LRRC7: variants seen among roughly 807,000 people sequenced by gnomAD.
The protein encoded by LRRC7 is leucine rich repeat containing 7, also known as leucine-rich repeat-containing protein 7.
A neutral mutation model predicts 175.7 loss-of-function variants in LRRC7; 23 were observed. That is an observed-to-expected ratio of 0.13 (90% confidence interval 0.09 to 0.19). LRRC7 has a LOEUF of 0.19. Ranked by LOEUF, LRRC7 falls within the 10% of genes least tolerant of loss-of-function variation. The pLI is 1.00. For synonymous variants in LRRC7, 685 were observed against 680.9 expected, an observed-to-expected ratio of 1.01 and a Z score of -0.09; for missense variants, 1,354 against 1,904.7, an observed-to-expected ratio of 0.71 and a Z score of 5.38.
In LRRC7 at chr1:70,142,996, A is replaced by ACTC. The variant is rs1359769065; in HGVS notation, c.*21110_*21112dup. The ACTC allele has an allele frequency of 1.3e-5, 2 of 151,972 alleles. No homozygotes were observed. The highest frequency in any genetic ancestry group is 2.9e-5 in the Non-Finnish European group (2 of 67,962). 9.4% of individuals were successfully genotyped at this position (151,972 alleles called of 1,614,324 possible). On this transcript the variant is annotated 3_prime_UTR_variant, in exon 27 of 27. Coordinates refer to ENST00000651989, the MANE Select transcript of LRRC7 (RefSeq NM_001370785.2). ...TATTTTGGGGCATAATCCTTTTACT[A>ACTC]CTCTATAAAGAAGTTCTACTTCTAC...
At chr1:69,792,879 G>T (rs1294924859) in intron 4 of LRRC7, among the ~76,000 whole-genome samples, 1 of 152,010 alleles carries the variant, frequency 6.6e-6, no homozygotes, top group Non-Finnish European at 1.5e-5. Flanking sequence ...GCTTCAGAAA[G>T]TCTCTTGCAT....
intron 22 of LRRC7, among the ~76,000 whole-genome samples, chr1:70,048,474 C>T (rs2102052930): frequency 6.6e-6 from 1 of 152,082 alleles, no homozygotes; most frequent in South Asian, 2.1e-4. Flanking sequence ...TGCCTGGTGC[C>T]CACATACATA....
intron 3 of LRRC7, among the ~76,000 whole-genome samples, chr1:69,765,294 A>G (rs1376654363): frequency 6.6e-6 from 1 of 152,134 alleles, no homozygotes; most frequent in African/African-American, 2.4e-5. Flanking sequence ...ACCAAAGACT[A>G]TGTATTAGGA....
At chr1:69,951,806 A>G (rs1036458371) in intron 8 of LRRC7, among the ~76,000 whole-genome samples, 1 of 152,018 alleles carries the variant, frequency 6.6e-6, no homozygotes, top group African/African-American at 2.4e-5. Flanking sequence ...AGGGTGGGAG[A>G]AGGGAGAACA....
chr1:69,982,093 A>G (rs1653494147), intron 9 of LRRC7, among the ~76,000 whole-genome samples: 1 of 152,236 alleles, frequency 6.6e-6, no homozygotes, highest in African/African-American at 2.4e-5. Context: ...CAATTGTTAC[A>G]TTCCCAAAAT....
intron 25 of LRRC7, among the ~76,000 whole-genome samples, chr1:70,106,793 T>G (rs1278281706): frequency 6.6e-6 from 1 of 152,192 alleles, no homozygotes; most frequent in Non-Finnish European, 1.5e-5. Flanking sequence ...CTGTCCCCTC[T>G]CTCTGCAATT....
chr1:69,866,743 T>C (rs953683352), intron 7 of LRRC7, among the ~76,000 whole-genome samples: 79 of 152,192 alleles, frequency 5.2e-4, no homozygotes, highest in African/African-American at 1.9e-3. Flanking sequence ...TGAATGTCAG[T>C]TCTGCATTAG....
intron 1 of LRRC7, among the ~76,000 whole-genome samples, chr1:69,663,513 CAATT>C (rs1657791713): frequency 6.6e-6 from 1 of 151,924 alleles, no homozygotes; most frequent in South Asian, 2.1e-4. Context: ...TTTAATTGCA[CAATT>C]AAATTATTTC....
intron 4 of LRRC7, among the ~76,000 whole-genome samples, chr1:69,811,868 A>G (rs1677920900): frequency 6.6e-6 from 1 of 152,148 alleles, no homozygotes; most frequent in East Asian, 1.9e-4. Context: ...GTGTATACCT[A>G]TGTAACAAAC....
chr1:69,623,476 G>A (rs935270640), intron 1 of LRRC7, among the ~76,000 whole-genome samples: 1 of 149,590 alleles, frequency 6.7e-6, no homozygotes, highest in African/African-American at 2.4e-5. Flanking sequence ...TAAACCTAAG[G>A]AAATTAGCAA....
chr1:69,913,801 C>A (rs1646606418), intron 7 of LRRC7, among the ~76,000 whole-genome samples: 1 of 152,190 alleles, frequency 6.6e-6, no homozygotes, highest in South Asian at 2.1e-4. Context: ...ATGTGAGCCA[C>A]TGTGCTCAGC....
intron 8 of LRRC7, among the ~76,000 whole-genome samples, chr1:69,936,938 T>A (rs1002090449): frequency 2.0e-5 from 3 of 152,170 alleles, no homozygotes; most frequent in African/African-American, 7.2e-5. Context: ...CCATGGTGAA[T>A]ATGTACCATG....
At chr1:70,110,221 A>C (rs1275976333) in intron 26 of LRRC7, among the ~76,000 whole-genome samples, 1 of 151,998 alleles carries the variant, frequency 6.6e-6, no homozygotes, top group Non-Finnish European at 1.5e-5. Flanking sequence ...CTCTACAGAA[A>C]ATTTAAAAAT....
chr1:69,655,995 G>A (rs1300185775), intron 1 of LRRC7, among the ~76,000 whole-genome samples: 2 of 149,726 alleles, frequency 1.3e-5, no homozygotes, highest in Non-Finnish European at 2.9e-5. Flanking sequence ...TTCCAGATAA[G>A]GAGACATTTG....
At chr1:69,743,428 G>T (rs1041267798) in intron 2 of LRRC7, among the ~76,000 whole-genome samples, 3 of 152,026 alleles carry the variant, frequency 2.0e-5, no homozygotes, top group Admixed American at 6.6e-5. Flanking sequence ...AGAATGCAAA[G>T]GCATCATGGG....
At position 70,122,023 on chromosome 1, in the gene LRRC7, C is replaced by T. The variant is rs1313926849; in HGVS notation, c.*136C>T. 1 of 575,478 alleles carries T rather than the reference C, an allele frequency of 1.7e-6. No homozygotes were observed. Among genetic ancestry groups the T allele is most frequent in the African/African-American group, 1.9e-5 (1 of 51,916 alleles). The allele number at this position is 575,478 out of a possible 1,614,324, so 35.6% of individuals were successfully genotyped here. A position where few individuals can be genotyped will look rare whatever the true frequency, so the allele number is the denominator to read the frequency against. ...CCAAATGTATAATACTATATGTTAG[C>T]ACTGACCATCCTTAAAAAATGTTAA... On this transcript the variant is annotated 3_prime_UTR_variant, in exon 27 of 27. Coordinates refer to ENST00000651989, the MANE Select transcript of LRRC7 (RefSeq NM_001370785.2).
rs115298898 is a variant in LRRC7, at chr1:70,139,365, A to G, written c.*17478A>G. The G allele has an allele frequency of 6.6e-6, 1 of 152,320 alleles. No homozygotes were observed. The highest frequency in any genetic ancestry group is 1.5e-5 in the Non-Finnish European group (1 of 68,008). 9.4% of individuals were successfully genotyped at this position (152,320 alleles called of 1,614,324 possible). A position where few individuals can be genotyped will look rare whatever the true frequency, so the allele number is the denominator to read the frequency against. Reference sequence around the variant, plus strand: ...CTAACAAATAGATCCAGAAGTCATAAGTGAGAAAGAAAACAAGCATGTCTA... The same window carrying G: ...CTAACAAATAGATCCAGAAGTCATAGGTGAGAAAGAAAACAAGCATGTCTA... On this transcript the variant is annotated 3_prime_UTR_variant, in exon 27 of 27. Transcript: ENST00000651989.
At chr1:69,585,318 A>G (rs898938109) in intron 1 of LRRC7, among the ~76,000 whole-genome samples, 2 of 152,202 alleles carry the variant, frequency 1.3e-5, no homozygotes, top group African/African-American at 4.8e-5. Context: ...ATATGTAATC[A>G]TTAAAGATCT....
intron 7 of LRRC7, among the ~76,000 whole-genome samples, chr1:69,890,647 G>T (rs56198926): frequency 0.022 from 3,390 of 152,216 alleles, 113 homozygotes; most frequent in African/African-American, 0.078. Context: ...CTTTAGCTTT[G>T]AATGTCCCAG....
Sources: gnomAD v4.1 joint callset for allele counts (sites outside exome capture counted in the v4.1 genomes callset) on GRCh38, gnomAD v4.1.1 for gene constraint, MANE v1.5 for transcripts, NCBI Gene and HGNC (gene_info 2026-07-23, HGNC 2026-07-21) for gene names.